TMC5: variants seen among roughly 807,000 people sequenced by gnomAD.
TMC5 encodes transmembrane channel like 5, also known as transmembrane channel-like protein 5.
TMC5 carries 86 observed loss-of-function variants against 110.5 expected under a neutral mutation model. That is an observed-to-expected ratio of 0.78 (90% CI 0.65 to 0.93). TMC5 has a LOEUF of 0.93. Among genes scored for constraint, TMC5 ranks in the 40% least tolerant of loss-of-function variants. The pLI, the probability that TMC5 is intolerant of heterozygous loss-of-function variation, is 0.00. For missense variants in TMC5, 1,144 were observed against 1,222.8 expected (o/e 0.94, Z 0.96); for synonymous variants, 455 against 439.5 (o/e 1.04, Z -0.44).
chr16:19,496,887 C>CAAAAAAAAAAAAAAAAAAAAAAAAAAAA (rs67040638), intron 20 of TMC5, among the ~76,000 whole-genome samples: 1 of 80,244 alleles, frequency 1.2e-5, no homozygotes, highest in African/African-American at 5.2e-5. Context: ...AAGACTCTGT[C>CAAAAAAAAAAAAAAAAAAAAAAAAAAAA]AAAAAAAAAA....
intron 6 of TMC5, among the ~76,000 whole-genome samples, chr16:19,461,483 A>G (rs1968021117): frequency 6.6e-6 from 1 of 152,254 alleles, no homozygotes; most frequent in South Asian, 2.1e-4. Flanking sequence ...CTGAGACAGG[A>G]GAATCGCTTG....
intron 1 of TMC5, among the ~76,000 whole-genome samples, chr16:19,424,421 C>T (rs138419335): frequency 0.021 from 3,264 of 152,172 alleles, 51 homozygotes; most frequent in Non-Finnish European, 0.034. Flanking sequence ...GAGGCCAAGG[C>T]GGGTGGATCA....
At chr16:19,479,665 A>G in intron 14 of TMC5, 137 bp downstream of exon 14, 1 of 665,182 alleles carries the variant, frequency 1.5e-6, no homozygotes, top group Non-Finnish European at 2.7e-6. Context: ...CCTTGGGGAT[A>G]CTGTTCACTT....
chr16:19,459,877 C>T (rs1477395609), intron 5 of TMC5, among the ~76,000 whole-genome samples: 1 of 136,988 alleles, frequency 7.3e-6, no homozygotes, highest in Non-Finnish European at 1.5e-5. Flanking sequence ...GTGATTGTGC[C>T]ACTGCACTCT....
At position 19,494,294 on chromosome 16, in the gene TMC5, A is replaced by G; in HGVS notation, c.2859A>G (p.Lys953=). The change falls in exon 20 of 22, where the codon AAA becomes AAG. Residue 953 remains lysine (K), a synonymous_variant. Transcript: ENST00000542583. ...AAGATAAAATGTTCCTGATAGAAAAATTGATCAAGCTGCAGGATATGGAGA... is the reference window on the plus strand; with the variant it reads ...AAGATAAAATGTTCCTGATAGAAAAGTTGATCAAGCTGCAGGATATGGAGA... The part of the protein sequence containing the change: ...EGKDKMFLIE[K]LIKLQDMEKK... 1 of 1,613,268 alleles carries G rather than the reference A, an allele frequency of 6.2e-7. No individual in the cohort carries two copies. Among genetic ancestry groups the G allele is most frequent in the Non-Finnish European group, 8.5e-7 (1 of 1,179,670 alleles).
intron 11 of TMC5, 147 bp downstream of exon 11, chr16:19,472,390 G>A (rs895374277): frequency 3.7e-5 from 32 of 865,526 alleles, no homozygotes; most frequent in Non-Finnish European, 5.1e-5. Context: ...AAATGCAGGG[G>A]TGAGGCACAG....
At chr16:19,424,403 C>A (rs983539889) in intron 1 of TMC5, among the ~76,000 whole-genome samples, 1 of 152,254 alleles carries the variant, frequency 6.6e-6, no homozygotes, top group East Asian at 1.9e-4. Context: ...GTAATCCCAG[C>A]CCTTTGGGAG....
intron 5 of TMC5, chr16:19,457,092 T>C (rs1371959319): frequency 2.3e-6 from 3 of 1,328,372 alleles, no homozygotes; most frequent in African/African-American, 1.5e-5. Flanking sequence ...TATTTTACTT[T>C]TTAGATATCA....
At chr16:19,469,903 T>C (rs1567317165) in intron 10 of TMC5, 78 bp downstream of exon 10, 2 of 1,507,646 alleles carry the variant, frequency 1.3e-6, no homozygotes, top group African/African-American at 1.4e-5. Context: ...CTTTTCTTTT[T>C]TTTTTTTTTG....
chr16:19,490,362 G>A (rs760746966), intron 17 of TMC5, 33 bp from the exon 18 acceptor site: 2 of 1,608,172 alleles, frequency 1.2e-6, no homozygotes, highest in East Asian at 2.2e-5. Flanking sequence ...TGAGTCTTGT[G>A]CTAGAGATGT....
rs1331388203 is a variant in TMC5 at position 19,449,750 on chromosome 16, T to C, written c.1048+119T>C. 3 of 853,146 alleles carry C rather than the reference T, an allele frequency of 3.5e-6. No homozygotes were observed. The African/African-American group carries it at 4.9e-5, about 14-fold the overall frequency. The allele number at this position is 853,146 out of a possible 1,614,324, so 52.8% of individuals were successfully genotyped here. A position where few individuals can be genotyped will look rare whatever the true frequency, so the allele number is the denominator to read the frequency against. On this transcript the variant is annotated intron_variant, in intron 5 of 21. Coordinates refer to ENST00000542583, the MANE Select transcript of TMC5 (RefSeq NM_001261841.2). Reference sequence around the variant, plus strand: ...TGGATCATGGGGGTGGTTTCCCCCATGCTGTTCTCATGATATTGAGGGAGT... The same window carrying C: ...TGGATCATGGGGGTGGTTTCCCCCACGCTGTTCTCATGATATTGAGGGAGT...
chr16:19,412,575 C>T (rs1966858456), intron 1 of TMC5, among the ~76,000 whole-genome samples: 1 of 152,142 alleles, frequency 6.6e-6, no homozygotes, highest in Non-Finnish European at 1.5e-5. Context: ...ATCATGTTGG[C>T]CAGGCTGGTC....
intron 20 of TMC5, among the ~76,000 whole-genome samples, chr16:19,494,907 C>A (rs1181065452): frequency 1.3e-5 from 2 of 152,096 alleles, no homozygotes; most frequent in African/African-American, 4.8e-5. Flanking sequence ...CCTCATGGAA[C>A]TTGCACGCTT....
In TMC5 at chr16:19,463,363, C is replaced by A. The variant is rs114039610; in HGVS notation, c.1232C>A (p.Ser411Tyr). 8.0e-4 allele frequency: 1,290 copies of A among 1,612,138 alleles called. 7 individuals carry two copies. The African/African-American group carries it at 0.015, about 19-fold the overall frequency. ...NCCIQCLNSISRAYRRSKNSL... is the reference protein window; with the variant it reads ...NCCIQCLNSIYRAYRRSKNSL... ...TGTATTCAGTGTCTGAACTCCATTT[C>A]CCGGGTAAGTCAGTAAAACAGGCAC... Residue 411 changes from serine (S) to tyrosine (Y), a missense_variant, in exon 7 of 22, where the codon TCC (serine) becomes TAC (tyrosine). By Grantham distance (144) the Ser-to-Tyr change is moderately radical. Transcript: ENST00000542583.
At chr16:19,434,009 ATATAATATATATATAAATCTATATAT>A in intron 2 of TMC5, among the ~76,000 whole-genome samples, 1 of 71,400 alleles carries the variant, frequency 1.4e-5, no homozygotes, top group African/African-American at 6.9e-5. Flanking sequence ...TATATTATAT[ATATAATATATATATAAATCTATATAT>A]TATATATATA....
intron 5 of TMC5, among the ~76,000 whole-genome samples, chr16:19,457,564 T>C (rs1449740133): frequency 6.6e-6 from 1 of 152,006 alleles, no homozygotes; most frequent in Non-Finnish European, 1.5e-5. Context: ...TTGTTATCCA[T>C]CGAATTTTTA....
At chr16:19,461,923 C>T (rs1310425319) in intron 6 of TMC5, among the ~76,000 whole-genome samples, 1 of 152,012 alleles carries the variant, frequency 6.6e-6, no homozygotes, top group Non-Finnish European at 1.5e-5. Flanking sequence ...AATGGGAGGA[C>T]CAGAAAGGTC....
rs1331027166 is a variant in TMC5 at position 19,479,462 on chromosome 16, ACC to A, written c.2202_2203del (p.Tyr734Ter). The A allele has an allele frequency of 6.2e-7, 1 of 1,614,080 alleles. No homozygotes were observed. The highest frequency in any genetic ancestry group is 1.7e-5 in the Admixed American group (1 of 60,004). On this transcript the variant is annotated stop_gained and frameshift_variant, in exon 14 of 22. Transcript: ENST00000542583. LOFTEE classifies it high-confidence loss of function. Reference sequence around the variant, plus strand: ...GAAACCCTCATTGGCCAGGACATCTACCGGCTCCTTCTGATGGATTTTGTGTT... The same window carrying A: ...GAAACCCTCATTGGCCAGGACATCTAGGCTCCTTCTGATGGATTTTGTGTT...
intron 15 of TMC5, 42 bp from the exon 16 acceptor site, chr16:19,486,903 T>A (rs1202452304): frequency 6.4e-7 from 1 of 1,568,622 alleles, no homozygotes; most frequent in Non-Finnish European, 8.8e-7. Context: ...CGACTCCTTG[T>A]GTCTCCGCCA....
Sources: gnomAD v4.1 joint callset for allele counts (sites outside exome capture counted in the v4.1 genomes callset) on GRCh38, gnomAD v4.1.1 for gene constraint, MANE v1.5 for transcripts, NCBI Gene and HGNC (gene_info 2026-07-23, HGNC 2026-07-21) for gene names.